The following CEP85L variants were observed in gnomAD, a reference collection of about 807,000 sequenced individuals.
CEP85L encodes centrosomal protein 85L.
Under a neutral mutation model 100.3 loss-of-function variants are expected in CEP85L, and 60 were observed. The ratio of observed to expected loss-of-function variants is 0.60; its 90% CI spans 0.49 to 0.74. CEP85L has a LOEUF of 0.74. Among genes scored for constraint, CEP85L ranks in the 30% least tolerant of loss-of-function variants. The pLI is 0.00. For missense variants in CEP85L, 973 were observed against 936.2 expected (o/e 1.04, Z -0.51); for synonymous variants, 319 against 322.7 (o/e 0.99, Z 0.12).
intron 1 of CEP85L, among the ~76,000 whole-genome samples, chr6:118,649,458 TC>T (rs1248293160): frequency 3.3e-5 from 5 of 152,212 alleles, no homozygotes; most frequent in African/African-American, 1.2e-4. Flanking sequence ...AATGTTCTCT[TC>T]TTCCTAGAAA....
chr6:118,702,516 AG>A (rs1777448408), intron 1 of CEP85L, among the ~76,000 whole-genome samples: 1 of 152,336 alleles, frequency 6.6e-6, no homozygotes, highest in East Asian at 1.9e-4. Flanking sequence ...CATCTCAAAA[AG>A]AAAAACAATT....
chr6:118,629,722 G>C (rs1161035823), intron 2 of CEP85L, among the ~76,000 whole-genome samples: 1 of 152,112 alleles, frequency 6.6e-6, no homozygotes, highest in African/African-American at 2.4e-5. Flanking sequence ...AAGAGAGTTG[G>C]GAACCAAAAT....
intron 1 of CEP85L, among the ~76,000 whole-genome samples, chr6:118,636,534 T>C (rs956712409): frequency 9.2e-5 from 14 of 152,228 alleles, no homozygotes; most frequent in African/African-American, 3.1e-4. Context: ...GGTGCCCAGA[T>C]ATGCAGTCAA....
intron 2 of CEP85L, among the ~76,000 whole-genome samples, chr6:118,602,915 C>T (rs9489459): frequency 0.71 from 107,627 of 151,772 alleles, 38,880 homozygotes; most frequent in African/African-American, 0.75. Context: ...CCACCTCCCA[C>T]GTTCAAACGA....
At chr6:118,573,705 A>G (rs1451407286) in intron 2 of CEP85L, among the ~76,000 whole-genome samples, 1 of 152,172 alleles carries the variant, frequency 6.6e-6, no homozygotes, top group Non-Finnish European at 1.5e-5. Flanking sequence ...TATATATTAT[A>G]CCATTATAGA....
chr6:118,630,557 T>C (rs907200771), intron 2 of CEP85L, among the ~76,000 whole-genome samples: 2 of 152,226 alleles, frequency 1.3e-5, no homozygotes, highest in African/African-American at 4.8e-5. Context: ...TAGGTGAATG[T>C]TGATAAACTG....
intron 1 of CEP85L, among the ~76,000 whole-genome samples, chr6:118,687,346 C>A (rs1583260227): frequency 6.6e-6 from 1 of 152,208 alleles, no homozygotes; most frequent in African/African-American, 2.4e-5. Flanking sequence ...CTGCCTCAGC[C>A]TCCCAAGTAG....
chr6:118,587,544 G>A (rs980262906), intron 2 of CEP85L, among the ~76,000 whole-genome samples: 5 of 152,166 alleles, frequency 3.3e-5, no homozygotes, highest in African/African-American at 1.2e-4. Context: ...ACCGATGGGA[G>A]TGGCATGCTC....
intron 3 of CEP85L, among the ~76,000 whole-genome samples, chr6:118,552,435 A>G (rs1778603791): frequency 1.3e-5 from 2 of 152,054 alleles, no homozygotes; most frequent in Admixed American, 1.3e-4. Flanking sequence ...TCAGAAGACT[A>G]TTGAGGTTCC....
intron 2 of CEP85L, among the ~76,000 whole-genome samples, chr6:118,600,207 C>G: frequency 6.6e-6 from 1 of 150,868 alleles, no homozygotes; most frequent in Non-Finnish European, 1.5e-5. Context: ...TGACTTGCCT[C>G]CAAAGAACAG....
At chr6:118,569,341 C>CAAAAAAAAAAAAAAA (rs56123225) in intron 2 of CEP85L, among the ~76,000 whole-genome samples, 16 of 68,214 alleles carry the variant, frequency 2.3e-4, no homozygotes, top group African/African-American at 7.4e-4. Flanking sequence ...GACTCTGTCT[C>CAAAAAAAAAAAAAAA]AAAAAAAAAA....
At position 118,602,542 on chromosome 6, in the gene CEP85L, G is replaced by A. The variant is rs527983671; in HGVS notation, c.232+29911C>T. On this transcript the variant is annotated intron_variant, in intron 2 of 12. Transcript: ENST00000368491. The stretch of plus-strand genomic sequence containing the variant: ...TCAGAGATCACCTGGTTGGTTCACA[G>A]GAATTAGTTCACAGGGTTAGCCTAC... Among the ~76,000 whole-genome samples the A allele has an allele frequency of 4.2e-4, 64 of 152,274 alleles. 1 individual carries two copies. The highest frequency in any genetic ancestry group is 1.5e-3 in the African/African-American group (62 of 41,562).
At chr6:118,540,196 A>G (rs1777829632) in intron 3 of CEP85L, among the ~76,000 whole-genome samples, 1 of 152,100 alleles carries the variant, frequency 6.6e-6, no homozygotes, top group Admixed American at 6.5e-5. Flanking sequence ...AACAGCAAAA[A>G]CAGGTACTGT....
intron 5 of CEP85L, among the ~76,000 whole-genome samples, chr6:118,498,607 A>AT (rs1387042690): frequency 6.6e-6 from 1 of 151,572 alleles, no homozygotes; most frequent in African/African-American, 2.4e-5. Context: ...AAAAAAAAAA[A>AT]AAAAATAGAG....
chr6:118,470,511 A>T, intron 11 of CEP85L, 26 bp downstream of exon 11: 1 of 1,403,346 alleles, frequency 7.1e-7, no homozygotes, highest in Non-Finnish European at 9.8e-7. Flanking sequence ...ATCCTTTCAA[A>T]GCAAAATTGA....
At chr6:118,628,312 A>G (rs1248165471) in intron 2 of CEP85L, among the ~76,000 whole-genome samples, 1 of 152,208 alleles carries the variant, frequency 6.6e-6, no homozygotes, top group East Asian at 1.9e-4. Context: ...AAAAGTAGAC[A>G]TCTTCCAAGA....
At chr6:118,591,751 T>C (rs969225845) in intron 2 of CEP85L, among the ~76,000 whole-genome samples, 2 of 152,234 alleles carry the variant, frequency 1.3e-5, no homozygotes, top group Non-Finnish European at 1.5e-5. Context: ...TCTATGCTTT[T>C]ATTGCTTCAT....
chr6:118,465,540 C>G lies in CEP85L; in HGVS notation c.2283G>C (p.Glu761Asp), dbSNP rs1772449356. ...TGAGTGTTTCTGTGCTGTGGTCATT[C>G]TCAGTCTCTTCAGCTGAACAGTTCA... ...RSMNCSAEETENDHSTETLTK... is the reference protein window; with the variant it reads ...RSMNCSAEETDNDHSTETLTK... The change falls in exon 13 of 13, where the codon GAG becomes GAC. Residue 761 changes from glutamate to aspartate, a missense_variant. Physicochemically the swap from Glu to Asp is conservative, Grantham distance 45. This residue lies in a region of CEP85L where 890 missense variants were observed against 844.5 expected (regional missense o/e 1.05). Transcript: ENST00000368491. 1.2e-6 allele frequency: 2 copies of G among 1,613,366 alleles called. No homozygotes were observed. The highest frequency in any genetic ancestry group is 2.2e-5 in the South Asian group (2 of 91,058).
intron 7 of CEP85L, among the ~76,000 whole-genome samples, chr6:118,482,727 C>T (rs1194762481): frequency 1.3e-5 from 2 of 152,204 alleles, no homozygotes; most frequent in Non-Finnish European, 2.9e-5. Flanking sequence ...TATTTTCTGA[C>T]ATATTTTCTA....
Sources: allele counts gnomAD v4.1 joint callset (sites outside exome capture counted in the v4.1 genomes callset), GRCh38; gene constraint gnomAD v4.1.1; regional missense constraint gnomAD v4.1.1; transcripts MANE v1.5; gene names NCBI Gene and HGNC (gene_info 2026-07-23, HGNC 2026-07-21).